The following NETO1 variants were observed in gnomAD, a reference collection of about 807,000 sequenced individuals.
NETO1 encodes neuropilin and tolloid-like protein 1.
Under a neutral mutation model 61.3 loss-of-function variants are expected in NETO1, and 26 were observed. That is an observed-to-expected ratio of 0.42 (90% confidence interval 0.31 to 0.59). The LOEUF is 0.59. Ranked by LOEUF, NETO1 falls within the 20% of genes least tolerant of loss-of-function variation. The pLI, the probability that NETO1 is intolerant of heterozygous loss-of-function variation, is 0.12. For synonymous variants in NETO1, 225 were observed against 225.8 expected (o/e 1.00, Z 0.03); for missense variants, 531 against 662.8 (o/e 0.80, Z 2.18).
At chr18:72,812,348 A>G (rs1018653433) in intron 4 of NETO1, among the ~76,000 whole-genome samples, 1 of 152,206 alleles carries the variant, frequency 6.6e-6, no homozygotes, top group Non-Finnish European at 1.5e-5. Flanking sequence ...TAGTCTTGAC[A>G]TTTGTGCTTG....
In NETO1 at chr18:72,836,755, C is replaced by A. The variant is rs141977236; in HGVS notation, c.469+22071G>T. On this transcript the variant is annotated intron_variant, in intron 4 of 10. Transcript: ENST00000327305. ...AGCCCTTGATTGTCATGGTAAGAAA[C>A]GGTATACTAAGCTACTGAGCAATTT... Among the ~76,000 whole-genome samples, 3 of 152,026 alleles carry A rather than the reference C, an allele frequency of 2.0e-5. No homozygotes were observed. The East Asian group carries it at 5.8e-4, about 29-fold the overall frequency.
chr18:72,804,217 A>G (rs2072602321), intron 4 of NETO1, among the ~76,000 whole-genome samples: 1 of 152,182 alleles, frequency 6.6e-6, no homozygotes. Flanking sequence ...GTTCTTCAAT[A>G]GTTCTTAGGA....
chr18:72,805,015 G>C (rs2072628579), intron 4 of NETO1, among the ~76,000 whole-genome samples: 1 of 152,102 alleles, frequency 6.6e-6, no homozygotes, highest in Non-Finnish European at 1.5e-5. Context: ...TTTTTAAATT[G>C]TCTTGACTGT....
intron 7 of NETO1, among the ~76,000 whole-genome samples, chr18:72,782,401 A>G (rs2145224684): frequency 6.6e-6 from 1 of 152,298 alleles, no homozygotes; most frequent in Middle Eastern, 3.4e-3. Context: ...TGTTTTGCCA[A>G]ACTGCTTTCC....
At chr18:72,760,768 A>AC (rs34161364) in intron 7 of NETO1, among the ~76,000 whole-genome samples, 43,725 of 152,012 alleles carry the variant, frequency 0.29, 7,621 homozygotes, top group South Asian at 0.4. Context: ...AGAATTGTAA[A>AC]CCGTTTTAGG....
chr18:72,852,833 C>CTTTTTT (rs71166431), intron 4 of NETO1, among the ~76,000 whole-genome samples: 3 of 132,284 alleles, frequency 2.3e-5, no homozygotes, highest in Non-Finnish European at 3.2e-5. Flanking sequence ...TTTTCTTTTT[C>CTTTTTT]TTTTTTTTTT....
chr18:72,824,470 T>C (rs1274004461), intron 4 of NETO1, among the ~76,000 whole-genome samples: 2 of 152,232 alleles, frequency 1.3e-5, no homozygotes, highest in Non-Finnish European at 2.9e-5. Context: ...GAAAGTGTTC[T>C]GGGAAATACT....
intron 7 of NETO1, among the ~76,000 whole-genome samples, chr18:72,763,799 T>G (rs546943043): frequency 6.6e-6 from 1 of 152,276 alleles, no homozygotes; most frequent in East Asian, 1.9e-4. Context: ...GGAGTATGTA[T>G]TAGTCCGTTG....
chr18:72,835,308 T>C (rs2073709400), intron 4 of NETO1: 4 of 1,596,442 alleles, frequency 2.5e-6, no homozygotes, highest in Non-Finnish European at 3.4e-6. Context: ...GCTAAGGAGT[T>C]TGCCTTTTAT....
At chr18:72,778,898 C>T (rs1015845755) in intron 7 of NETO1, among the ~76,000 whole-genome samples, 1 of 152,088 alleles carries the variant, frequency 6.6e-6, no homozygotes, top group Non-Finnish European at 1.5e-5. Flanking sequence ...GAGCAACATC[C>T]CCACAGATCA....
rs1449797890 is a variant in NETO1, at chr18:72,867,553, A to G, written c.-262T>C. ...GCGCCGCGCAGCCAGCAGCATCCCC[A>G]CCGTGACGCTCGCATCACACCCGGG... On this transcript the variant is annotated 5_prime_UTR_variant, in exon 1 of 11. Transcript: ENST00000327305. The G allele has an allele frequency of 2.8e-6, 1 of 353,358 alleles. No individual in the cohort carries two copies. The highest frequency in any genetic ancestry group is 5.0e-6 in the Non-Finnish European group (1 of 198,734). 21.9% of individuals were successfully genotyped at this position (353,358 alleles called of 1,614,324 possible).
chr18:72,798,462 G>A (rs2072393471), intron 4 of NETO1, among the ~76,000 whole-genome samples: 1 of 152,190 alleles, frequency 6.6e-6, no homozygotes, highest in African/African-American at 2.4e-5. Flanking sequence ...CTATCAGTGA[G>A]TGGCAAGTGT....
intron 4 of NETO1, among the ~76,000 whole-genome samples, chr18:72,837,321 A>G (rs1162862143): frequency 6.6e-6 from 1 of 152,226 alleles, no homozygotes; most frequent in East Asian, 1.9e-4. Context: ...ATTTCCATAG[A>G]AAATGCAGTA....
intron 8 of NETO1, among the ~76,000 whole-genome samples, chr18:72,754,299 CA>C: frequency 6.6e-6 from 1 of 151,722 alleles, no homozygotes; most frequent in Admixed American, 6.6e-5. Flanking sequence ...CATTTAGAAA[CA>C]AAAAGTATAA....
Position 72,750,255 on chromosome 18 carries a change from T to C in NETO1, c.1348A>G (p.Arg450Gly). The change falls in exon 9 of 11, where the codon AGA becomes GGA. Residue 450 changes from arginine (R) to glycine (G), a missense_variant. Arg to Gly is a moderately radical substitution (Grantham distance 125). Coordinates refer to ENST00000327305, the MANE Select transcript of NETO1 (RefSeq NM_138966.5). ...TKGSRSNLSTRDASILTEMPT... is the reference protein window; with the variant it reads ...TKGSRSNLSTGDASILTEMPT... Reference sequence around the variant, plus strand: ...ATCTCTGTCAAGATAGAAGCATCTCTTGTGCTGAGGTTACTGCGGCTGCCT... The same window carrying C: ...ATCTCTGTCAAGATAGAAGCATCTCCTGTGCTGAGGTTACTGCGGCTGCCT... 6.2e-7 allele frequency: 1 copy of C among 1,614,032 alleles called. No homozygotes were observed. Among genetic ancestry groups the C allele is most frequent in the Non-Finnish European group, 8.5e-7 (1 of 1,179,936 alleles).
intron 6 of NETO1, 142 bp from the exon 7 acceptor site, chr18:72,784,048 G>T (rs2071831121): frequency 1.6e-6 from 1 of 639,608 alleles, no homozygotes; most frequent in South Asian, 2.0e-5. Context: ...ATAGAAAGAA[G>T]ATGTACGATA....
chr18:72,755,644 A>G lies in NETO1; in HGVS notation c.982+390T>C, dbSNP rs541311561. Reference sequence around the variant, plus strand: ...TACAAATGCTAGTTCAAGACATTTTATCTCTAGAGTATGTACACAAAGTCC... The same window carrying G: ...TACAAATGCTAGTTCAAGACATTTTGTCTCTAGAGTATGTACACAAAGTCC... On this transcript the variant is annotated intron_variant, in intron 8 of 10. Transcript: ENST00000327305. Among the ~76,000 whole-genome samples, 29 of 152,240 alleles carry G rather than the reference A, an allele frequency of 1.9e-4. No homozygotes were observed. The South Asian group carries it at 2.1e-3, about 11-fold the overall frequency.
rs906140745 is a variant in NETO1, at chr18:72,744,221, A to G, written c.*3958T>C. 2.6e-5 allele frequency: 4 copies of G among 152,122 alleles called. No individual in the cohort carries two copies. Among genetic ancestry groups the G allele is most frequent in the Non-Finnish European group, 5.9e-5 (4 of 68,016 alleles). 9.4% of individuals were successfully genotyped at this position (152,122 alleles called of 1,614,324 possible). A position where few individuals can be genotyped will look rare whatever the true frequency, so the allele number is the denominator to read the frequency against. ...AGTCACCCTAATTGTTATTTTTATT[A>G]CCCTGTTTTATTTATTTTGATGATA... On this transcript the variant is annotated 3_prime_UTR_variant, in exon 11 of 11. Coordinates refer to ENST00000327305, the MANE Select transcript of NETO1 (RefSeq NM_138966.5).
At chr18:72,768,336 G>T (rs1178441748) in intron 7 of NETO1, among the ~76,000 whole-genome samples, 1 of 152,130 alleles carries the variant, frequency 6.6e-6, no homozygotes, top group African/African-American at 2.4e-5. Flanking sequence ...AGGCAGACTT[G>T]TGTTAAGATG....
Sources: allele counts gnomAD v4.1 joint callset (sites outside exome capture counted in the v4.1 genomes callset), GRCh38; gene constraint gnomAD v4.1.1; transcripts MANE v1.5; gene names NCBI Gene and HGNC (gene_info 2026-07-23, HGNC 2026-07-21).